TRIM49C: variants seen among roughly 807,000 people sequenced by gnomAD.
TRIM49C encodes tripartite motif containing 49C.
Under a neutral mutation model 21.4 loss-of-function variants are expected in TRIM49C, and 6 were observed. The observed-to-expected ratio is 0.28, with a 90% confidence interval of 0.15 to 0.55. The LOEUF is 0.55. Ranked by LOEUF, TRIM49C falls within the 20% of genes least tolerant of loss-of-function variation. TRIM49C has a pLI of 0.94. For missense variants in TRIM49C, 161 were observed against 442.4 expected (o/e 0.36, Z 5.71); for synonymous variants, 57 against 148.1 (o/e 0.38, Z 4.47).
At chr11:90,039,627 C>A (rs1261321121) in intron 6 of TRIM49C, among the ~76,000 whole-genome samples, 4 of 125,472 alleles carry the variant, frequency 3.2e-5, no homozygotes, top group Non-Finnish European at 6.7e-5. Context: ...AGCTAAGGAA[C>A]CTTACACATT....
At chr11:90,055,965 T>G in the TRIM49C span, among the ~76,000 whole-genome samples, 5 of 128,030 alleles carry the variant, frequency 3.9e-5, no homozygotes, top group African/African-American at 1.4e-4. Context: ...TCTTTTTTTT[T>G]TTTTTTTTTT....
intron 6 of TRIM49C, among the ~76,000 whole-genome samples, chr11:90,038,923 G>C (rs545078): frequency 0.033 from 4,287 of 130,612 alleles, 183 homozygotes; most frequent in African/African-American, 0.051. Context: ...TTGATTCCTG[G>C]TTTTGTTTTT....
At chr11:90,054,365 C>A in the TRIM49C span, among the ~76,000 whole-genome samples, 1 of 134,426 alleles carries the variant, frequency 7.4e-6, no homozygotes, top group East Asian at 2.4e-4. Context: ...ATTTTTCCCC[C>A]AAGTCCTGGT....
At chr11:90,065,717 G>A in the TRIM49C span, among the ~76,000 whole-genome samples, 32 of 140,544 alleles carry the variant, frequency 2.3e-4, no homozygotes, top group African/African-American at 8.2e-4. Context: ...AGCACTGTGG[G>A]AGGCCCACGA....
the TRIM49C span, chr11:90,053,852 C>T: frequency 7.0e-6 from 1 of 143,120 alleles, no homozygotes; most frequent in Non-Finnish European, 1.5e-5. Flanking sequence ...CCAAGCCCGG[C>T]GGAAACCTCC....
chr11:90,053,832 A>T, the TRIM49C span: 1 of 141,208 alleles, frequency 7.1e-6, no homozygotes, highest in Admixed American at 7.5e-5. Context: ...GAGAAGCCCT[A>T]GCTCCCGCCC....
In TRIM49C at chr11:90,039,132, G is replaced by T. The variant is rs1164335021; in HGVS notation, c.761+417G>T. On this transcript the variant is annotated intron_variant, in intron 6 of 7. Transcript: ENST00000448984. ...GACTGGGTTTCACCATGTTAGCCAG[G>T]ATGGTCTCTATCTCCTGACCCCGTG... is the stretch of plus-strand genomic sequence containing the variant. Among the ~76,000 whole-genome samples, 2 of 132,880 alleles carry T rather than the reference G, an allele frequency of 1.5e-5. 1 individual carries two copies. The highest frequency in any genetic ancestry group is 5.4e-5 in the African/African-American group (2 of 37,024). The allele number at this position is 132,880 out of a possible 152,430, so 87.2% of individuals were successfully genotyped here.
chr11:90,038,732 A>C lies in TRIM49C; in HGVS notation c.761+17A>C. 1 of 981,608 alleles carries C rather than the reference A, an allele frequency of 1.0e-6. No homozygotes were observed. The allele number at this position is 981,608 out of a possible 1,614,324, so 60.8% of individuals were successfully genotyped here. A position where few individuals can be genotyped will look rare whatever the true frequency, so the allele number is the denominator to read the frequency against. The stretch of plus-strand genomic sequence containing the variant: ...ATTACACAGGTGAGTGTGTACCTAG[A>C]TTTTAGCATATGTTCTTTAAGATTC... On this transcript the variant is annotated intron_variant, in intron 6 of 7. Coordinates refer to ENST00000448984, the MANE Select transcript of TRIM49C (RefSeq NM_001195234.1).
At chr11:90,064,266 G>C in the TRIM49C span, among the ~76,000 whole-genome samples, 1 of 150,886 alleles carries the variant, frequency 6.6e-6, no homozygotes, top group Non-Finnish European at 1.5e-5. Flanking sequence ...TTTTAATTTA[G>C]GAAAGTTTTT....
the TRIM49C span, among the ~76,000 whole-genome samples, chr11:90,069,295 G>C: frequency 3.1e-5 from 4 of 127,512 alleles, no homozygotes; most frequent in East Asian, 8.9e-4. Context: ...TGTATTATTA[G>C]TAGAGACAGG....
the TRIM49C span, chr11:90,062,811 T>C: frequency 7.1e-7 from 1 of 1,417,988 alleles, no homozygotes; most frequent in African/African-American, 1.9e-5. Context: ...GGTGTTGAAG[T>C]TGGGCTTCTC....
At chr11:90,045,244 G>C (rs1261281153), downstream of TRIM49C, among the ~76,000 whole-genome samples, 3 of 122,642 alleles carry the variant, frequency 2.4e-5, no homozygotes, top group African/African-American at 9.0e-5. Flanking sequence ...GCTTAGGATT[G>C]ACTTGGCTGT....
the TRIM49C span, chr11:90,062,775 G>A: frequency 1.4e-6 from 2 of 1,432,972 alleles, no homozygotes; most frequent in Non-Finnish European, 1.8e-6. Flanking sequence ...TCTGGCTAGG[G>A]AAGACAGCTT....
Position 90,039,882 on chromosome 11 carries a change from T to G in TRIM49C, c.779T>G (p.Leu260Arg). ...DILHRSESVL[L>R]HMPQPLNPEL... Reference sequence around the variant, plus strand: ...CCTTGCAGGAGTGAGTCCGTGCTGCTGCACATGCCCCAGCCTCTGAATCCA... The same window carrying G: ...CCTTGCAGGAGTGAGTCCGTGCTGCGGCACATGCCCCAGCCTCTGAATCCA... The change falls in exon 7 of 8, where the codon CTG becomes CGG. Residue 260 changes from leucine (L) to arginine (R), a missense_variant. Coordinates refer to ENST00000448984, the MANE Select transcript of TRIM49C (RefSeq NM_001195234.1). 1 of 1,122,872 alleles carries G rather than the reference T, an allele frequency of 8.9e-7. No individual in the cohort carries two copies. The highest frequency in any genetic ancestry group is 1.5e-5 in the South Asian group (1 of 65,266). 69.6% of individuals were successfully genotyped at this position (1,122,872 alleles called of 1,614,324 possible). A position where few individuals can be genotyped will look rare whatever the true frequency, so the allele number is the denominator to read the frequency against.
chr11:90,049,230 G>C, the TRIM49C span, among the ~76,000 whole-genome samples: 2 of 117,824 alleles, frequency 1.7e-5, no homozygotes, highest in Non-Finnish European at 1.7e-5. Context: ...GAGGCAGTCT[G>C]TCCGTTCTCA....
At chr11:90,062,207 T>C in the TRIM49C span, 13 of 462,724 alleles carry the variant, frequency 2.8e-5, 1 homozygote, top group Admixed American at 4.6e-5. Flanking sequence ...ATGATTCTAA[T>C]AATTTGGATG....
chr11:90,040,987 A>G (rs1231308630), intron 7 of TRIM49C, 64 bp from the exon 8 acceptor site: 3 of 1,465,670 alleles, frequency 2.0e-6, no homozygotes, highest in East Asian at 2.4e-5. Flanking sequence ...TCTTGATAGA[A>G]CAATTATTTT....
chr11:90,072,029 G>A, the TRIM49C span, among the ~76,000 whole-genome samples: 7 of 141,414 alleles, frequency 4.9e-5, 1 homozygote, highest in East Asian at 4.3e-4. Flanking sequence ...TTTTTAGGAC[G>A]TAGAACCATT....
the TRIM49C span, among the ~76,000 whole-genome samples, chr11:90,048,694 C>A: frequency 7.7e-6 from 1 of 130,012 alleles, no homozygotes; most frequent in African/African-American, 3.1e-5. Flanking sequence ...TTTTTAGCTT[C>A]TTTGCAATGG....
Sources: gnomAD v4.1 joint callset for allele counts (sites outside exome capture counted in the v4.1 genomes callset) on GRCh38, gnomAD v4.1.1 for gene constraint, MANE v1.5 for transcripts, NCBI Gene and HGNC (gene_info 2026-07-23, HGNC 2026-07-21) for gene names.